The following TYK2 variants were observed in gnomAD, a reference collection of about 807,000 sequenced individuals.
TYK2 encodes non-receptor tyrosine-protein kinase TYK2.
In TYK2, 65 loss-of-function variants were observed where a neutral mutation model predicts 130.9. The observed-to-expected ratio is 0.50, with a 90% CI of 0.41 to 0.61. TYK2 has a LOEUF of 0.61. Ranked by LOEUF, TYK2 falls within the 20% of genes least tolerant of loss-of-function variation. The pLI is 0.00. For synonymous variants in TYK2, 647 were observed against 658.9 expected, an observed-to-expected ratio of 0.98 and a Z score of 0.28; for missense variants, 1,378 against 1,610.7, an observed-to-expected ratio of 0.86 and a Z score of 2.47.
At position 10,357,983 on chromosome 19, in the gene TYK2, A is replaced by C; in HGVS notation, c.2311+20T>G. 1 of 1,613,466 alleles carries C rather than the reference A, an allele frequency of 6.2e-7. No homozygotes were observed. The highest frequency in any genetic ancestry group is 8.5e-7 in the Non-Finnish European group (1 of 1,180,016). ...GCAGGGGAAGCCCCCCACTGTGCCC[A>C]GGTCCCCTCAGGTACTCACCCTCCC... On this transcript the variant is annotated intron_variant, in intron 16 of 24. Coordinates refer to ENST00000525621, the MANE Select transcript of TYK2 (RefSeq NM_003331.5).
Position 10,362,370 on chromosome 19 carries a change from C to G in TYK2, c.1563G>C (p.Arg521=). 1 of 1,614,090 alleles carries G rather than the reference C, an allele frequency of 6.2e-7. No homozygotes were observed. The highest frequency in any genetic ancestry group is 8.5e-7 in the Non-Finnish European group (1 of 1,180,008). The change falls in exon 11 of 25, where the codon CGG becomes CGC. Residue 521 remains arginine (R), a synonymous_variant. Coordinates refer to ENST00000525621, the MANE Select transcript of TYK2 (RefSeq NM_003331.5). ...CAAGTTCCCGAACGCTGGGGAAGGA[C>G]CGGCCCCAGCCCTCCAGCACGAAGG... ...DGAFVLEGWG[R]SFPSVRELGA...
At chr19:10,378,075 T>C in intron 3 of TYK2, 139 bp downstream of exon 3, 1 of 777,814 alleles carries the variant, frequency 1.3e-6, no homozygotes, top group Non-Finnish European at 1.9e-6. Flanking sequence ...GGTGGGTGGA[T>C]GGGTGGATGG....
chr19:10,380,294 A>T (rs1201088442), intron 1 of TYK2, 86 bp downstream of exon 1: 1 of 152,394 alleles, frequency 6.6e-6, no homozygotes, highest in Non-Finnish European at 1.5e-5. Flanking sequence ...TGAAGTTTGC[A>T]ACTGGGAAGG....
At chr19:10,351,342 C>T (rs2040794442) in intron 23 of TYK2, 180 bp from the exon 24 acceptor site, 1 of 517,688 alleles carries the variant, frequency 1.9e-6, no homozygotes, top group African/African-American at 1.9e-5. Flanking sequence ...CAAAAATTAG[C>T]TGGGCATAAT....
At chr19:10,378,472 C>T in intron 2 of TYK2, 46 bp from the exon 3 acceptor site, 1 of 1,506,846 alleles carries the variant, frequency 6.6e-7, no homozygotes. Context: ...AGCCCAGAGA[C>T]CCCTGTTAGC....
chr19:10,373,036 T>C (rs1027499549), intron 3 of TYK2, among the ~76,000 whole-genome samples: 8 of 151,664 alleles, frequency 5.3e-5, no homozygotes, highest in Middle Eastern at 3.4e-3. Context: ...GCTAATTTTT[T>C]GTATTTTTTT....
At chr19:10,356,487 C>G in intron 18 of TYK2, 81 bp downstream of exon 18, 1 of 1,574,534 alleles carries the variant, frequency 6.4e-7, no homozygotes, top group Non-Finnish European at 8.6e-7. Flanking sequence ...GTGCAGAGAC[C>G]TCTCGTGCGC....
In TYK2 at chr19:10,358,104, C is replaced by T; in HGVS notation, c.2210G>A (p.Gly737Asp). Residue 737 changes from glycine to aspartate, a missense_variant, in exon 16 of 25, where the codon GGC becomes GAC. By Grantham distance (94) the Gly-to-Asp change is moderately conservative (BLOSUM62 -1). Transcript: ENST00000525621. ...NKNLVHGNVC[G>D]RNILLARLGL... Reference sequence around the variant, plus strand: ...CAGCCGGGCCAGCAGGATGTTCCGGCCACACACATTACCATGAACCAGGTT... The same window carrying T: ...CAGCCGGGCCAGCAGGATGTTCCGGTCACACACATTACCATGAACCAGGTT... The T allele has an allele frequency of 6.2e-7, 1 of 1,611,626 alleles. No individual in the cohort carries two copies. The highest frequency in any genetic ancestry group is 8.5e-7 in the Non-Finnish European group (1 of 1,179,276).
intron 3 of TYK2, among the ~76,000 whole-genome samples, chr19:10,372,186 G>C (rs1368675978): frequency 6.6e-6 from 1 of 150,972 alleles, no homozygotes; most frequent in Admixed American, 6.6e-5. Context: ...GTAGAGACGG[G>C]GTTTCACCGT....
chr19:10,366,305 T>C, intron 6 of TYK2, 112 bp downstream of exon 6: 2 of 1,150,640 alleles, frequency 1.7e-6, no homozygotes, highest in South Asian at 1.6e-5. Context: ...AGACTCCGGC[T>C]CAGAAAAAAA....
Position 10,368,957 on chromosome 19 carries a change from C to T in TYK2, c.194-539G>A, listed in dbSNP as rs201643047. ...CTGAGTTGCTGGGATTACAGGTGTG[C>T]GCCACCAACCCCGGCTAGTTTTTGT... On this transcript the variant is annotated intron_variant, in intron 3 of 24. Coordinates refer to ENST00000525621, the MANE Select transcript of TYK2 (RefSeq NM_003331.5). Among the ~76,000 whole-genome samples, 10 of 151,982 alleles carry T rather than the reference C, an allele frequency of 6.6e-5. No homozygotes were observed. In the East Asian group the frequency reaches 1.7e-3, roughly 26 times the overall value.
At chr19:10,374,610 G>A (rs942375739) in intron 3 of TYK2, among the ~76,000 whole-genome samples, 3 of 145,104 alleles carry the variant, frequency 2.1e-5, no homozygotes, top group South Asian at 2.2e-4. Flanking sequence ...AAAAAAAGCC[G>A]GGCACGGTGG....
In TYK2 at chr19:10,361,883, G is replaced by A. The variant is rs865816160; in HGVS notation, c.1846C>T (p.Pro616Ser). 2.8e-5 allele frequency: 45 copies of A among 1,613,918 alleles called. No individual in the cohort carries two copies. The highest frequency in any genetic ancestry group is 3.6e-5 in the Non-Finnish European group (42 of 1,180,012). ...GRLRVEGSGD[P>S]EEGKMDDEDP... Reference sequence around the variant, plus strand: ...TCGTCATCCATCTTGCCCTCCTCAGGGTCCCCGCTGCCCTCCACTCGCAGG... The same window carrying A: ...TCGTCATCCATCTTGCCCTCCTCAGAGTCCCCGCTGCCCTCCACTCGCAGG... The change falls in exon 13 of 25, where the codon CCT becomes TCT. Residue 616 changes from proline (P) to serine (S), a missense_variant. By Grantham distance (74) the Pro-to-Ser change is moderately conservative. Transcript: ENST00000525621. This position sits in a 1 kb window ranked among gnomAD's most constrained non-coding sequence, Gnocchi z 4.0.
intron 2 of TYK2, among the ~76,000 whole-genome samples, chr19:10,378,864 TA>T (rs1263052375): frequency 3.3e-5 from 5 of 151,548 alleles, no homozygotes; most frequent in Admixed American, 2.0e-4. Flanking sequence ...TATCTTATCT[TA>T]TCTTATCTTA....
At position 10,366,410 on chromosome 19, in the gene TYK2, C is replaced by T. The variant is rs1199222802; in HGVS notation, c.629+7G>A. On this transcript the variant is annotated splice_region_variant and intron_variant, in intron 6 of 24. Transcript: ENST00000525621. ...CTACACAGCGTCCCCACCCCATTCCCAGACACCTGGTCTTCTTGGCCACCT... is the reference window on the plus strand; with the variant it reads ...CTACACAGCGTCCCCACCCCATTCCTAGACACCTGGTCTTCTTGGCCACCT... 2 of 1,612,164 alleles carry T rather than the reference C, an allele frequency of 1.2e-6. No individual in the cohort carries two copies. The highest frequency in any genetic ancestry group is 2.2e-5 in the South Asian group (2 of 91,042).
chr19:10,354,679 C>T (rs1333682774), intron 18 of TYK2, 70 bp from the exon 19 acceptor site: 1 of 1,312,056 alleles, frequency 7.6e-7, no homozygotes, highest in Non-Finnish European at 1.1e-6. Context: ...TTGGGAGTCA[C>T]AAAGCCAGCC....
At position 10,380,429 on chromosome 19, in the gene TYK2, C is replaced by G. The variant is rs1018976242; in HGVS notation, c.-235G>C. On this transcript the variant is annotated 5_prime_UTR_variant, in exon 1 of 25. Transcript: ENST00000525621. ...ACCAGGTGCTCCCATCCAAGTGCAG[C>G]CTGTCAAGCGCAGCCAGTCCCCGCG... 2 of 152,696 alleles carry G rather than the reference C, an allele frequency of 1.3e-5. No homozygotes were observed. Among genetic ancestry groups the G allele is most frequent in the Non-Finnish European group, 2.9e-5 (2 of 68,288 alleles). The allele number at this position is 152,696 out of a possible 1,614,324, so 9.5% of individuals were successfully genotyped here. A position where few individuals can be genotyped will look rare whatever the true frequency, so the allele number is the denominator to read the frequency against.
Position 10,361,375 on chromosome 19 carries a change from G to A in TYK2, c.2047+136C>T. On this transcript the variant is annotated intron_variant, in intron 14 of 24. Coordinates refer to ENST00000525621, the MANE Select transcript of TYK2 (RefSeq NM_003331.5). The surrounding 1 kb of genome is among the most constrained non-coding windows in gnomAD (Gnocchi z 4.0). ...AGGTTGAAGGTCAAGGTGTAGCCCG[G>A]GATCAGAGTACAGGTGAGAGTTGAG... 2.3e-6 allele frequency: 2 copies of A among 862,250 alleles called. No homozygotes were observed. Among genetic ancestry groups the A allele is most frequent in the Non-Finnish European group, 3.7e-6 (2 of 538,778 alleles). The allele number at this position is 862,250 out of a possible 1,614,324, so 53.4% of individuals were successfully genotyped here.
rs758279947 is a variant in TYK2 at position 10,362,173 on chromosome 19, T to G, written c.1678A>C (p.Asn560His). The change falls in exon 12 of 25, where the codon AAT (asparagine) becomes CAT (histidine). Residue 560 changes from asparagine (N) to histidine (H), a missense_variant. By Grantham distance (68) the Asn-to-His change is moderately conservative. Transcript: ENST00000525621. ...CCLPQPGETS[N>H]LIIMRGARAS... ...CGAGCCCCCCGCATGATGATGAGAT[T>G]GGAGGTTTCTGGGGGCAGGCATCAA... 10 of 1,613,878 alleles carry G rather than the reference T, an allele frequency of 6.2e-6. No individual in the cohort carries two copies. Among genetic ancestry groups the G allele is most frequent in the Non-Finnish European group, 8.5e-6 (10 of 1,179,966 alleles).
Sources: allele counts gnomAD v4.1 joint callset (sites outside exome capture counted in the v4.1 genomes callset), GRCh38; gene constraint gnomAD v4.1.1; non-coding constraint Gnocchi (gnomAD v3.1); transcripts MANE v1.5; gene names NCBI Gene and HGNC (gene_info 2026-07-23, HGNC 2026-07-21).